DAB1: variants seen among roughly 807,000 people sequenced by gnomAD.
DAB1 encodes the protein DAB adaptor protein 1.
A neutral mutation model predicts 64.6 loss-of-function variants in DAB1; 15 were observed. The ratio of observed to expected loss-of-function variants is 0.23; its 90% CI spans 0.16 to 0.36. DAB1 has a LOEUF of 0.36. DAB1 is among the 10% of genes least tolerant of loss of function. DAB1 has a pLI of 1.00. For synonymous variants in DAB1, 235 were observed against 251.9 expected, an observed-to-expected ratio of 0.93 and a Z score of 0.64; for missense variants, 596 against 706.7, an observed-to-expected ratio of 0.84 and a Z score of 1.78.
intron 14 of DAB1, among the ~76,000 whole-genome samples, chr1:57,005,271 C>T (rs1194457836): frequency 6.6e-6 from 1 of 152,160 alleles, no homozygotes; most frequent in East Asian, 1.9e-4. Flanking sequence ...TGCACATGTA[C>T]ATCATCTTTT....
At chr1:58,236,706 G>A (rs1003907907) in intron 4 of DAB1, among the ~76,000 whole-genome samples, 1 of 152,208 alleles carries the variant, frequency 6.6e-6, no homozygotes, top group African/African-American at 2.4e-5. Flanking sequence ...CAGTGTCCCA[G>A]TTCTATAGAG....
At chr1:57,539,973 G>A (rs1337597368) in intron 7 of DAB1, among the ~76,000 whole-genome samples, 2 of 152,168 alleles carry the variant, frequency 1.3e-5, no homozygotes, top group Non-Finnish European at 2.9e-5. Context: ...TTAATAAACA[G>A]ATGCCACATT....
At chr1:57,735,622 T>TG (rs1647653493) in intron 6 of DAB1, among the ~76,000 whole-genome samples, 1 of 134,236 alleles carries the variant, frequency 7.4e-6, no homozygotes, top group Non-Finnish European at 1.7e-5. Context: ...TTTTTTTTTT[T>TG]TTTTTTTTTT....
At chr1:57,477,857 C>T (rs1350621239) in intron 7 of DAB1, among the ~76,000 whole-genome samples, 1 of 152,104 alleles carries the variant, frequency 6.6e-6, no homozygotes, top group African/African-American at 2.4e-5. Context: ...CAATAAATTA[C>T]ACACCTCATC....
At position 57,439,425 on chromosome 1, in the gene DAB1, C is replaced by G. The variant is rs11207038; in HGVS notation, n.626-148259G>C. Reference sequence around the variant, plus strand: ...CATCAACTTGGTGATGAGGTTTTTTCTTTTTTTTTTTTTTTTTTTTTTGAG... The same window carrying G: ...CATCAACTTGGTGATGAGGTTTTTTGTTTTTTTTTTTTTTTTTTTTTTGAG... On this transcript the variant is annotated intron_variant and non_coding_transcript_variant, in intron 7 of 20. Transcript: ENST00000485760. Among the ~76,000 whole-genome samples the G allele has an allele frequency of 3.2e-4, 31 of 97,988 alleles. 1 individual carries two copies. Among genetic ancestry groups the G allele is most frequent in the East Asian group, 2.0e-3 (6 of 3,054 alleles). 64.3% of individuals were successfully genotyped at this position (97,988 alleles called of 152,430 possible).
chr1:57,760,090 G>T (rs2101816140), intron 6 of DAB1, among the ~76,000 whole-genome samples: 1 of 152,256 alleles, frequency 6.6e-6, no homozygotes, highest in East Asian at 1.9e-4. Flanking sequence ...TCTCCATGGA[G>T]TGTTGAATGA....
intron 7 of DAB1, among the ~76,000 whole-genome samples, chr1:57,496,936 C>T (rs1326593840): frequency 6.6e-6 from 1 of 152,198 alleles, no homozygotes; most frequent in Non-Finnish European, 1.5e-5. Context: ...CCCTGCCCTC[C>T]TCTCCAACCT....
At chr1:57,188,648 TACA>T (rs58019688) in intron 2 of DAB1, among the ~76,000 whole-genome samples, 83,169 of 151,612 alleles carry the variant, frequency 0.55, 23,786 homozygotes, top group African/African-American at 0.71. Context: ...CCAGCATATC[TACA>T]ACACTGCTCT....
At chr1:57,886,163 C>CTT (rs36101963), upstream of DAB1, among the ~76,000 whole-genome samples, 69 of 129,436 alleles carry the variant, frequency 5.3e-4, no homozygotes, top group African/African-American at 8.8e-4. Flanking sequence ...GCCTACTATT[C>CTT]TTTTTTTTTT....
At chr1:58,042,257 T>C (rs11804202) in intron 5 of DAB1, among the ~76,000 whole-genome samples, 4,282 of 152,330 alleles carry the variant, frequency 0.028, 169 homozygotes, top group African/African-American at 0.094. Context: ...GCAGGTATGA[T>C]TTAAAGACAA....
rs1405260200 is a variant in DAB1, at chr1:56,997,249, T to TA, written c.*894dup. The TA allele has an allele frequency of 1.3e-5, 2 of 152,188 alleles. No individual in the cohort carries two copies. The highest frequency in any genetic ancestry group is 4.8e-5 in the African/African-American group (2 of 41,436). The allele number at this position is 152,188 out of a possible 1,614,324, so 9.4% of individuals were successfully genotyped here. A position where few individuals can be genotyped will look rare whatever the true frequency, so the allele number is the denominator to read the frequency against. ...ATAAAAAATATCATTTTATTGTACT[T>TA]AGAGTTTAGAGCTTCTTAAGAAATC... is the stretch of plus-strand genomic sequence containing the variant. On this transcript the variant is annotated 3_prime_UTR_variant, in exon 15 of 15. Transcript: ENST00000371236.
intron 5 of DAB1, among the ~76,000 whole-genome samples, chr1:57,919,221 A>G (rs567180721): frequency 6.6e-6 from 1 of 152,310 alleles, no homozygotes; most frequent in Admixed American, 6.5e-5. Flanking sequence ...GACAGTCATA[A>G]TACACCTAAC....
At chr1:57,522,471 A>G (rs1644539514) in intron 7 of DAB1, among the ~76,000 whole-genome samples, 1 of 152,176 alleles carries the variant, frequency 6.6e-6, no homozygotes, top group Non-Finnish European at 1.5e-5. Context: ...TTGTTCTCAC[A>G]CTGCTAATAA....
At position 58,463,821 on chromosome 1, in the gene DAB1, C is replaced by T. The variant is rs563950930; in HGVS notation, n.257+42239G>A. 5.9e-5 allele frequency among the ~76,000 whole-genome samples: 9 copies of T among 152,300 alleles called. No homozygotes were observed. The South Asian group carries it at 1.7e-3, about 28-fold the overall frequency. ...CAGATATATGAATTCTGTACATGTC[C>T]TTGTCATGTGTTTCAGTAGAGTTTG... is the stretch of plus-strand genomic sequence containing the variant. On this transcript the variant is annotated intron_variant and non_coding_transcript_variant, in intron 3 of 20. Coordinates refer to the DAB1 transcript ENST00000485760.
At chr1:57,137,034 T>G (rs961626035) in intron 3 of DAB1, among the ~76,000 whole-genome samples, 5 of 152,162 alleles carry the variant, frequency 3.3e-5, no homozygotes, top group Admixed American at 1.3e-4. Flanking sequence ...CTAAGTATAT[T>G]CCTACATATA....
At chr1:58,340,581 C>T (rs1643917807) in intron 4 of DAB1, among the ~76,000 whole-genome samples, 1 of 152,126 alleles carries the variant, frequency 6.6e-6, no homozygotes, top group Admixed American at 6.6e-5. Flanking sequence ...AAACTCTCTC[C>T]CTCATCTAGA....
chr1:57,967,288 C>T (rs935896674), intron 5 of DAB1, among the ~76,000 whole-genome samples: 1 of 152,160 alleles, frequency 6.6e-6, no homozygotes, highest in Non-Finnish European at 1.5e-5. Context: ...TACTTGGTTA[C>T]ACTGTTATGC....
At chr1:57,155,555 T>A (rs969476863) in intron 2 of DAB1, among the ~76,000 whole-genome samples, 1 of 151,468 alleles carries the variant, frequency 6.6e-6, no homozygotes, top group African/African-American at 2.4e-5. Context: ...AATTTTAGGA[T>A]TTTTTTTTCT....
chr1:57,356,992 A>C (rs1457881487), intron 1 of DAB1, among the ~76,000 whole-genome samples: 1 of 152,054 alleles, frequency 6.6e-6, no homozygotes, highest in Non-Finnish European at 1.5e-5. Flanking sequence ...CATTGGAAAC[A>C]ATAATGACCC....
Sources: allele counts gnomAD v4.1 joint callset (sites outside exome capture counted in the v4.1 genomes callset), GRCh38; gene constraint gnomAD v4.1.1; transcripts MANE v1.5; gene names NCBI Gene and HGNC (gene_info 2026-07-23, HGNC 2026-07-21).